Variants in NFX1 observed in about 807,000 individuals in gnomAD.
The protein encoded by NFX1 is nuclear transcription factor, X-box binding 1, also known as transcriptional repressor NF-X1.
Under a neutral mutation model 137.2 loss-of-function variants are expected in NFX1, and 69 were observed. That is an observed-to-expected ratio of 0.50 (90% CI 0.41 to 0.61). The LOEUF (loss-of-function observed/expected upper bound fraction) is 0.61. NFX1 is among the 20% of genes least tolerant of loss of function. The pLI, the probability that NFX1 is intolerant of heterozygous loss-of-function variation, is 0.00. For missense variants in NFX1, 1,167 were observed against 1,391.0 expected (o/e 0.84, Z 2.56); for synonymous variants, 495 against 474.1 (o/e 1.04, Z -0.57).
chr9:33,291,671 A>C (rs1263866885), intron 1 of NFX1, among the ~76,000 whole-genome samples: 2 of 152,236 alleles, frequency 1.3e-5, no homozygotes, highest in Non-Finnish European at 2.9e-5. Flanking sequence ...TGGGAGGCCG[A>C]GGTGGACGGA....
rs1485675837 is a variant in NFX1 at position 33,301,294 on chromosome 9, A to G, written c.1065A>G (p.Lys355=). 9.9e-6 allele frequency: 16 copies of G among 1,614,120 alleles called. No individual in the cohort carries two copies. The highest frequency in any genetic ancestry group is 1.4e-5 in the Non-Finnish European group (16 of 1,180,018). The part of the protein sequence containing the change: ...GSLIEQLTTE[K]YECMVCCELV... ...TAATTGAACAACTAACAACAGAAAA[A>G]TACGAGTGCATGGTGTGCTGTGAAT... The change falls in exon 3 of 24, where the codon AAA becomes AAG. Residue 355 remains lysine, a synonymous_variant. Coordinates refer to ENST00000379540, the MANE Select transcript of NFX1 (RefSeq NM_002504.6).
chr9:33,331,976 G>T (rs1299147328), intron 10 of NFX1, among the ~76,000 whole-genome samples: 1 of 152,130 alleles, frequency 6.6e-6, no homozygotes, highest in African/African-American at 2.4e-5. Flanking sequence ...CCAAACCAAA[G>T]ATCCTGCTTT....
intron 4 of NFX1, 37 bp from the exon 5 acceptor site, chr9:33,307,157 G>A: frequency 6.4e-7 from 1 of 1,556,842 alleles, no homozygotes; most frequent in Non-Finnish European, 8.8e-7. Context: ...TGTGGTTGAA[G>A]TTTGTACCAT....
At chr9:33,355,128 C>A (rs1823767906) in intron 19 of NFX1, among the ~76,000 whole-genome samples, 2 of 152,190 alleles carry the variant, frequency 1.3e-5, no homozygotes, top group African/African-American at 2.4e-5. Context: ...ATATAAACAT[C>A]ACATAACACA....
chr9:33,322,511 G>A (rs1453736918), intron 9 of NFX1, among the ~76,000 whole-genome samples: 3 of 152,096 alleles, frequency 2.0e-5, no homozygotes, highest in Non-Finnish European at 2.9e-5. Flanking sequence ...TGAAATTCTG[G>A]TGAGTGCAGC....
intron 12 of NFX1, among the ~76,000 whole-genome samples, chr9:33,341,483 AGG>A (rs1823219043): frequency 1.3e-5 from 2 of 152,224 alleles, no homozygotes; most frequent in Non-Finnish European, 2.9e-5. Context: ...TACATAAACA[AGG>A]TAACACAGTA....
Position 33,370,152 on chromosome 9 carries a change from T to C in NFX1, c.*174T>C, listed in dbSNP as rs1824285248. On this transcript the variant is annotated 3_prime_UTR_variant, in exon 24 of 24. Coordinates refer to ENST00000379540, the MANE Select transcript of NFX1 (RefSeq NM_002504.6). ...CAGAAATCCCTTGTCTATTCCTGTC[T>C]GTATAAAGTGTTTCATTATGACCAG... 1 of 555,812 alleles carries C rather than the reference T, an allele frequency of 1.8e-6. No individual in the cohort carries two copies. The highest frequency in any genetic ancestry group is 1.9e-5 in the African/African-American group (1 of 51,888). The allele number at this position is 555,812 out of a possible 1,614,324, so 34.4% of individuals were successfully genotyped here.
At chr9:33,333,753 C>T (rs182520583) in intron 11 of NFX1, among the ~76,000 whole-genome samples, 58 of 152,184 alleles carry the variant, frequency 3.8e-4, no homozygotes, top group African/African-American at 1.3e-3. Context: ...GAAGAGTGGC[C>T]GTTTGGGAGG....
Position 33,295,164 on chromosome 9 carries a change from C to G in NFX1, c.770C>G (p.Pro257Arg). The change falls in exon 2 of 24, where the codon CCA becomes CGA. Residue 257 changes from proline to arginine, a missense_variant. By Grantham distance (103) the Pro-to-Arg change is moderately radical. Around this residue, in one of 3 missense-constraint regions of NFX1, gnomAD observed 367 missense variants for 386.7 expected, o/e 0.95. Transcript: ENST00000379540. ...GAAGTGGAGGGGGCCAGGCCACGAC[C>G]AGGCAGAAATCCACCAAAACAGGAG... Reference protein sequence around the residue: ...PWEVEGARPRPGRNPPKQEGH... With the variant: ...PWEVEGARPRRGRNPPKQEGH... 6.2e-7 allele frequency: 1 copy of G among 1,614,126 alleles called. No homozygotes were observed. Among genetic ancestry groups the G allele is most frequent in the Non-Finnish European group, 8.5e-7 (1 of 1,180,014 alleles).
At chr9:33,319,507 G>C (rs1203311787) in intron 9 of NFX1, among the ~76,000 whole-genome samples, 1 of 152,048 alleles carries the variant, frequency 6.6e-6, no homozygotes, top group Non-Finnish European at 1.5e-5. Flanking sequence ...AATAATTGTG[G>C]GTGAGACAGA....
At chr9:33,303,338 C>G in intron 4 of NFX1, 70 bp downstream of exon 4, 1 of 1,320,762 alleles carries the variant, frequency 7.6e-7, no homozygotes, top group Non-Finnish European at 1.1e-6. Flanking sequence ...GAAAGGTGGT[C>G]TGCGGGGCAT....
At chr9:33,305,344 A>G (rs960535505) in intron 4 of NFX1, among the ~76,000 whole-genome samples, 3 of 152,214 alleles carry the variant, frequency 2.0e-5, no homozygotes, top group African/African-American at 7.2e-5. Flanking sequence ...GATATGTTGA[A>G]GGGAATAGCA....
At chr9:33,299,797 T>TAC (rs1231098593) in intron 2 of NFX1, among the ~76,000 whole-genome samples, 1 of 152,224 alleles carries the variant, frequency 6.6e-6, no homozygotes, top group Non-Finnish European at 1.5e-5. Flanking sequence ...CTGGAAATAC[T>TAC]ACACTCAGCA....
At chr9:33,297,348 A>T (rs1295141738) in intron 2 of NFX1, among the ~76,000 whole-genome samples, 2 of 152,202 alleles carry the variant, frequency 1.3e-5, no homozygotes, top group East Asian at 3.8e-4. Flanking sequence ...TTCTTGCTTT[A>T]TCAGGATTAT....
At chr9:33,314,574 G>A (rs1822086038) in intron 7 of NFX1, among the ~76,000 whole-genome samples, 1 of 152,026 alleles carries the variant, frequency 6.6e-6, no homozygotes, top group Admixed American at 6.5e-5. Context: ...CTATTCGGGA[G>A]GCTGAATCAA....
chr9:33,331,803 ATGTAGAAGCCGGGCAGCTAGCCAGACTC>A (rs1237700755), intron 10 of NFX1, among the ~76,000 whole-genome samples: 1 of 151,940 alleles, frequency 6.6e-6, no homozygotes, highest in Non-Finnish European at 1.5e-5. Flanking sequence ...CCAAAATCAG[ATGTAGAAGCCGGGCAGCTAGCCAGACTC>A]ATTCTACCCC....
intron 22 of NFX1, 77 bp from the exon 23 acceptor site, chr9:33,367,438 G>A: frequency 6.8e-7 from 1 of 1,471,952 alleles, no homozygotes; most frequent in South Asian, 1.2e-5. Context: ...CAAAATCAAG[G>A]GCTGAGTTTC....
At chr9:33,332,933 C>T (rs1030031104) in intron 11 of NFX1, among the ~76,000 whole-genome samples, 2 of 152,198 alleles carry the variant, frequency 1.3e-5, no homozygotes, top group African/African-American at 4.8e-5. Flanking sequence ...GCAACCTCCA[C>T]CTCCCAGGTT....
chr9:33,307,061 G>T, intron 4 of NFX1, 133 bp from the exon 5 acceptor site: 1 of 593,810 alleles, frequency 1.7e-6, no homozygotes. Context: ...TTAAGATATG[G>T]GATAATACAT....
Sources: gnomAD v4.1 joint callset for allele counts (sites outside exome capture counted in the v4.1 genomes callset) on GRCh38, gnomAD v4.1.1 for gene constraint, gnomAD v4.1.1 regional missense constraint, MANE v1.5 for transcripts, NCBI Gene and HGNC (gene_info 2026-07-23, HGNC 2026-07-21) for gene names.